The following DLGAP1 variants were observed in gnomAD, a reference collection of about 807,000 sequenced individuals.
The protein encoded by DLGAP1 is DLG associated protein 1.
Under a neutral mutation model 90.8 loss-of-function variants are expected in DLGAP1, and 11 were observed. The ratio of observed to expected loss-of-function variants is 0.12; its 90% CI spans 0.08 to 0.20. DLGAP1 has a LOEUF of 0.20. Ranked by LOEUF, DLGAP1 falls within the 10% of genes least tolerant of loss-of-function variation. The pLI, the probability that DLGAP1 is intolerant of heterozygous loss-of-function variation, is 1.00. For synonymous variants in DLGAP1, 558 were observed against 540.7 expected, an observed-to-expected ratio of 1.03 and a Z score of -0.44; for missense variants, 1,050 against 1,333.8, an observed-to-expected ratio of 0.79 and a Z score of 3.31.
chr18:4,415,038 T>C (rs1006605206), intron 1 of DLGAP1, among the ~76,000 whole-genome samples: 48 of 130,906 alleles, frequency 3.7e-4, no homozygotes, highest in African/African-American at 9.3e-4. Context: ...TATATATATA[T>C]ACACACACAC....
intron 4 of DLGAP1, among the ~76,000 whole-genome samples, chr18:3,854,358 T>C (rs565063828): frequency 6.6e-6 from 1 of 150,716 alleles, no homozygotes; most frequent in African/African-American, 2.5e-5. Flanking sequence ...TAAAATATCA[T>C]ACATACATTG....
At chr18:3,955,823 T>A (rs2073074247) in intron 3 of DLGAP1, among the ~76,000 whole-genome samples, 1 of 152,026 alleles carries the variant, frequency 6.6e-6, no homozygotes, top group African/African-American at 2.4e-5. Context: ...TAGGTAACAT[T>A]AATGCTAGAT....
At chr18:3,897,180 G>C (rs1028089261) in intron 3 of DLGAP1, 1 of 152,160 alleles carries the variant, frequency 6.6e-6, no homozygotes, top group Non-Finnish European at 1.5e-5. Flanking sequence ...CGTTATGATA[G>C]GTGAGGAAAG....
chr18:4,190,494 C>T (rs1177887552), intron 1 of DLGAP1, among the ~76,000 whole-genome samples: 1 of 152,018 alleles, frequency 6.6e-6, no homozygotes, highest in Non-Finnish European at 1.5e-5. Context: ...GGGTATAGAA[C>T]ACAAAGAGAA....
At chr18:4,023,338 A>G (rs2074645489) in intron 2 of DLGAP1, among the ~76,000 whole-genome samples, 1 of 152,148 alleles carries the variant, frequency 6.6e-6, no homozygotes, top group African/African-American at 2.4e-5. Context: ...TTTTAACACT[A>G]GGAAAACTTT....
intron 7 of DLGAP1, among the ~76,000 whole-genome samples, chr18:3,688,554 C>T (rs1271881855): frequency 6.6e-6 from 1 of 151,268 alleles, no homozygotes; most frequent in Non-Finnish European, 1.5e-5. Context: ...CAGAATGTTA[C>T]TGTTGATAAT....
chr18:3,561,250 T>C (rs1171788746), intron 9 of DLGAP1, among the ~76,000 whole-genome samples: 43 of 115,272 alleles, frequency 3.7e-4, no homozygotes, highest in Admixed American at 1.5e-3. Context: ...ACACCGTCTC[T>C]ACTAAAAAAA....
At chr18:3,892,424 C>T (rs557379204) in intron 3 of DLGAP1, among the ~76,000 whole-genome samples, 1 of 152,268 alleles carries the variant, frequency 6.6e-6, no homozygotes, top group Admixed American at 6.5e-5. Context: ...CCACATTCCC[C>T]ATTGACTCTG....
intron 5 of DLGAP1, among the ~76,000 whole-genome samples, chr18:3,778,323 C>T (rs1284556536): frequency 2.0e-5 from 3 of 152,032 alleles, no homozygotes; most frequent in Non-Finnish European, 4.4e-5. Flanking sequence ...CACCTGTAAT[C>T]CCAGGTACTT....
intron 12 of DLGAP1, among the ~76,000 whole-genome samples, chr18:3,500,892 T>C (rs1252069462): frequency 1.3e-5 from 2 of 151,908 alleles, no homozygotes; most frequent in Non-Finnish European, 2.9e-5. Flanking sequence ...CCTTATACAT[T>C]TGGATTTTTT....
chr18:3,769,818 TAC>T (rs1959759060), intron 5 of DLGAP1, among the ~76,000 whole-genome samples: 1 of 151,430 alleles, frequency 6.6e-6, no homozygotes, highest in Non-Finnish European at 1.5e-5. Flanking sequence ...GATATTGTTC[TAC>T]AGTTTTTTGA....
At chr18:3,861,530 G>A (rs1483553877) in intron 4 of DLGAP1, among the ~76,000 whole-genome samples, 1 of 152,134 alleles carries the variant, frequency 6.6e-6, no homozygotes, top group African/African-American at 2.4e-5. Flanking sequence ...TTTGCTGATT[G>A]TGTAGAGTCC....
Position 3,549,175 on chromosome 18 carries a change from T to G in DLGAP1, c.2058-14560A>C, listed in dbSNP as rs1016744280. On this transcript the variant is annotated intron_variant, in intron 9 of 12. Coordinates refer to ENST00000315677, the MANE Select transcript of DLGAP1 (RefSeq NM_004746.4). ...GAAAAATAGAAATGCCTGGCCCAAT[T>G]ATAGAGCAATTTTCTACTTCAGAGG... Among the ~76,000 whole-genome samples the G allele has an allele frequency of 5.3e-5, 8 of 152,214 alleles. 1 individual carries two copies. Among genetic ancestry groups the G allele is most frequent in the Non-Finnish European group, 1.5e-5 (1 of 68,040 alleles).
At chr18:4,226,503 G>T (rs1477103290) in intron 1 of DLGAP1, among the ~76,000 whole-genome samples, 1 of 151,724 alleles carries the variant, frequency 6.6e-6, no homozygotes, top group Non-Finnish European at 1.5e-5. Flanking sequence ...AGGCATAGGT[G>T]GTATAATAAG....
intron 8 of DLGAP1, among the ~76,000 whole-genome samples, chr18:3,573,773 C>T (rs1363260685): frequency 6.6e-6 from 1 of 152,104 alleles, no homozygotes; most frequent in Non-Finnish European, 1.5e-5. Flanking sequence ...AAAATCATGG[C>T]TTACTGCCAC....
intron 5 of DLGAP1, among the ~76,000 whole-genome samples, chr18:3,793,171 C>T (rs556368324): frequency 1.3e-5 from 2 of 152,292 alleles, no homozygotes; most frequent in South Asian, 2.1e-4. Context: ...CAGCACACCA[C>T]GGTTCCATAT....
chr18:3,923,607 A>G (rs1025484759), intron 3 of DLGAP1, among the ~76,000 whole-genome samples: 3 of 152,180 alleles, frequency 2.0e-5, no homozygotes, highest in Non-Finnish European at 4.4e-5. Flanking sequence ...TCGTGTTTAT[A>G]AAAGTTTTCC....
chr18:4,090,318 G>A (rs1467475369), intron 2 of DLGAP1, among the ~76,000 whole-genome samples: 1 of 152,034 alleles, frequency 6.6e-6, no homozygotes, highest in Non-Finnish European at 1.5e-5. Flanking sequence ...ACAACCTATG[G>A]AATGGGAGAA....
intron 3 of DLGAP1, among the ~76,000 whole-genome samples, chr18:3,984,452 T>G (rs2073801813): frequency 6.6e-6 from 1 of 152,170 alleles, no homozygotes; most frequent in Non-Finnish European, 1.5e-5. Flanking sequence ...TTTGGCTGCC[T>G]TGAGACTGCT....
Sources: allele counts gnomAD v4.1 joint callset (sites outside exome capture counted in the v4.1 genomes callset), GRCh38; gene constraint gnomAD v4.1.1; transcripts MANE v1.5; gene names NCBI Gene and HGNC (gene_info 2026-07-23, HGNC 2026-07-21).